CCDC191: variants seen among roughly 807,000 people sequenced by gnomAD.
The protein encoded by CCDC191 is coiled-coil domain-containing protein 191.
A neutral mutation model predicts 114.0 loss-of-function variants in CCDC191; 99 were observed. The ratio of observed to expected loss-of-function variants is 0.87; its 90% CI spans 0.74 to 1.03. The LOEUF (loss-of-function observed/expected upper bound fraction) is 1.03. CCDC191 is among the 50% of genes least tolerant of loss of function. The pLI, the probability that CCDC191 is intolerant of heterozygous loss-of-function variation, is 0.00. For missense variants in CCDC191, 973 were observed against 1,087.0 expected (o/e 0.90, Z 1.47); for synonymous variants, 351 against 376.0 (o/e 0.93, Z 0.77).
chr3:113,973,083 A>C (rs1430445200), intron 16 of CCDC191, among the ~76,000 whole-genome samples: 2 of 152,086 alleles, frequency 1.3e-5, no homozygotes, highest in African/African-American at 2.4e-5. Flanking sequence ...TTACTATGGC[A>C]ATTTTTTCTT....
chr3:114,005,954 AG>A lies in CCDC191; in HGVS notation c.1421del (p.Ala474ValfsTer39), dbSNP rs2075951030. On this transcript the variant is annotated frameshift_variant, in exon 10 of 17. Coordinates refer to ENST00000295878, the MANE Select transcript of CCDC191 (RefSeq NM_020817.2). LOFTEE classifies it high-confidence loss of function. ...GAGGCTTTTCCCACAAAGGGGGCAC[AG>A]CAGTCTCCTGAGAGAGAGAAACATG... ...GPPVKNGQET[A>X]VPPLWEKPPL... The A allele has an allele frequency of 6.2e-7, 1 of 1,613,786 alleles. No homozygotes were observed. The highest frequency in any genetic ancestry group is 1.3e-5 in the African/African-American group (1 of 75,066).
At chr3:113,974,693 G>A (rs774404698) in intron 16 of CCDC191, among the ~76,000 whole-genome samples, 5 of 152,134 alleles carry the variant, frequency 3.3e-5, no homozygotes, top group Admixed American at 6.5e-5. Flanking sequence ...TCAGTCTTCT[G>A]TGTCTGGCTT....
chr3:114,001,713 C>T lies in CCDC191; in HGVS notation c.2062-17G>A, dbSNP rs770613794. On this transcript the variant is annotated splice_polypyrimidine_tract_variant and intron_variant, in intron 12 of 16. Coordinates refer to ENST00000295878, the MANE Select transcript of CCDC191 (RefSeq NM_020817.2). Reference sequence around the variant, plus strand: ...TAACTGGGCCTGATTGAGATTAGAACCCAGAAATATCAGAACCCTCAATTT... The same window carrying T: ...TAACTGGGCCTGATTGAGATTAGAATCCAGAAATATCAGAACCCTCAATTT... The T allele has an allele frequency of 2.5e-6, 4 of 1,613,044 alleles. No individual in the cohort carries two copies. Among genetic ancestry groups the T allele is most frequent in the Non-Finnish European group, 3.4e-6 (4 of 1,179,620 alleles).
chr3:113,972,023 T>C (rs928129693), intron 16 of CCDC191, among the ~76,000 whole-genome samples: 2 of 152,150 alleles, frequency 1.3e-5, no homozygotes, highest in Non-Finnish European at 2.9e-5. Flanking sequence ...TCAGTTGTTA[T>C]GTCTCCTTTT....
chr3:114,009,413 GC>G (rs2076029053), intron 9 of CCDC191, among the ~76,000 whole-genome samples: 1 of 151,912 alleles, frequency 6.6e-6, no homozygotes, highest in Non-Finnish European at 1.5e-5. Flanking sequence ...TATTCCATAA[GC>G]TTTTTTTTCC....
chr3:113,979,077 C>T, intron 14 of CCDC191, 67 bp from the exon 15 acceptor site: 1 of 1,444,388 alleles, frequency 6.9e-7, no homozygotes, highest in East Asian at 2.4e-5. Context: ...AACACATCAC[C>T]TTTGGAAATG....
At chr3:113,986,047 CAA>C (rs1420349352) in intron 13 of CCDC191, among the ~76,000 whole-genome samples, 2 of 152,014 alleles carry the variant, frequency 1.3e-5, no homozygotes, top group African/African-American at 4.8e-5. Flanking sequence ...AAATAACTTC[CAA>C]AAATAATGTT....
chr3:113,981,957 A>T (rs1270255017), intron 13 of CCDC191, among the ~76,000 whole-genome samples: 1 of 152,364 alleles, frequency 6.6e-6, no homozygotes, highest in East Asian at 1.9e-4. Context: ...AGTAAGAGGA[A>T]GCTGAGGGTT....
At chr3:114,005,097 A>G (rs184903327) in intron 10 of CCDC191, among the ~76,000 whole-genome samples, 1 of 152,286 alleles carries the variant, frequency 6.6e-6, no homozygotes, top group Admixed American at 6.5e-5. Context: ...TTGAGGCTCA[A>G]AGATGTTTTG....
intron 13 of CCDC191, among the ~76,000 whole-genome samples, chr3:113,985,802 C>G (rs1213400287): frequency 6.6e-6 from 1 of 152,188 alleles, no homozygotes; most frequent in African/African-American, 2.4e-5. Context: ...ATGGTGACCA[C>G]GGCAACAACA....
At chr3:114,045,791 T>A (rs1023786827) in intron 3 of CCDC191, among the ~76,000 whole-genome samples, 1 of 152,168 alleles carries the variant, frequency 6.6e-6, no homozygotes, top group African/African-American at 2.4e-5. Context: ...CCCCATCACA[T>A]TGTTCAACTG....
Position 114,001,797 on chromosome 3 carries a change from C to T in CCDC191, c.2062-101G>A, listed in dbSNP as rs552541530. The T allele has an allele frequency of 2.8e-6, 4 of 1,412,386 alleles. No individual in the cohort carries two copies. In the Admixed American group the frequency reaches 8.6e-5, roughly 30 times the overall value. The allele number at this position is 1,412,386 out of a possible 1,614,324, so 87.5% of individuals were successfully genotyped here. A position where few individuals can be genotyped will look rare whatever the true frequency, so the allele number is the denominator to read the frequency against. On this transcript the variant is annotated intron_variant, in intron 12 of 16. Coordinates refer to ENST00000295878, the MANE Select transcript of CCDC191 (RefSeq NM_020817.2). ...TCAAGCGTCTACCAAAGTGCCTGTC[C>T]TATCTCTGGAAGAAGTCTGCATTTT...
chr3:113,972,934 C>T (rs192537616), intron 16 of CCDC191, among the ~76,000 whole-genome samples: 1 of 152,112 alleles, frequency 6.6e-6, no homozygotes, highest in East Asian at 1.9e-4. Flanking sequence ...CTCTTTCAGT[C>T]TATGTATGTC....
intron 8 of CCDC191, among the ~76,000 whole-genome samples, chr3:114,014,215 C>T (rs1369330800): frequency 6.6e-6 from 1 of 152,172 alleles, no homozygotes; most frequent in African/African-American, 2.4e-5. Flanking sequence ...AATGAATAAG[C>T]TCATGCATTC....
intron 16 of CCDC191, among the ~76,000 whole-genome samples, chr3:113,969,014 T>C (rs1013221026): frequency 2.6e-5 from 4 of 152,144 alleles, no homozygotes; most frequent in Non-Finnish European, 5.9e-5. Flanking sequence ...GGAGCTATCA[T>C]GTGCAGAGAT....
In CCDC191 at chr3:113,968,346, G is replaced by A. The variant is rs146497584; in HGVS notation, c.2607-2987C>T. ...CATTTTACTGGCATAAGATGATATC[G>A]CATTGTGGTTTTGATTTGGATTTCT... On this transcript the variant is annotated intron_variant, in intron 16 of 16. Transcript: ENST00000295878. Among the ~76,000 whole-genome samples, 880 of 152,188 alleles carry A rather than the reference G, an allele frequency of 5.8e-3. 10 individuals are homozygous for A. Among genetic ancestry groups the A allele is most frequent in the African/African-American group, 0.017 (687 of 41,516 alleles).
chr3:113,971,565 T>C (rs980850196), intron 16 of CCDC191, among the ~76,000 whole-genome samples: 10 of 152,228 alleles, frequency 6.6e-5, no homozygotes, highest in Non-Finnish European at 1.0e-4. Context: ...CAACGTGTTA[T>C]TGAATTTGGT....
chr3:113,965,877 G>A (rs766850364), intron 16 of CCDC191, among the ~76,000 whole-genome samples: 2 of 152,158 alleles, frequency 1.3e-5, no homozygotes, highest in Non-Finnish European at 2.9e-5. Flanking sequence ...TTACAGGTGT[G>A]GGCCACTGTG....
At chr3:114,012,951 G>A (rs931773745) in intron 8 of CCDC191, among the ~76,000 whole-genome samples, 1 of 152,180 alleles carries the variant, frequency 6.6e-6, no homozygotes, top group African/African-American at 2.4e-5. Context: ...GTTGTGCGGG[G>A]ATATGAAAAT....
Sources: gnomAD v4.1 joint callset for allele counts (sites outside exome capture counted in the v4.1 genomes callset) on GRCh38, gnomAD v4.1.1 for gene constraint, MANE v1.5 for transcripts, NCBI Gene and HGNC (gene_info 2026-07-23, HGNC 2026-07-21) for gene names.